TTLL4: variants seen among roughly 807,000 people sequenced by gnomAD.
TTLL4 encodes the protein tubulin monoglutamylase TTLL4.
TTLL4 carries 85 observed loss-of-function variants against 122.7 expected under a neutral mutation model. That is an observed-to-expected ratio of 0.69 (90% CI 0.58 to 0.83). The LOEUF is 0.83. TTLL4 is among the 40% of genes least tolerant of loss of function. The pLI, the probability that TTLL4 is intolerant of heterozygous loss-of-function variation, is 0.00. For missense variants in TTLL4, 1,363 were observed against 1,488.6 expected (o/e 0.92, Z 1.39); for synonymous variants, 553 against 563.0 (o/e 0.98, Z 0.25).
At chr2:218,743,407 C>T (rs1942756125) in intron 5 of TTLL4, among the ~76,000 whole-genome samples, 1 of 152,074 alleles carries the variant, frequency 6.6e-6, no homozygotes, top group African/African-American at 2.4e-5. Context: ...GGATAGTGTT[C>T]TGTGGTATGG....
Position 218,749,406 on chromosome 2 carries a change from A to G in TTLL4, c.2735+19A>G, listed in dbSNP as rs368568381. 6.2e-7 allele frequency: 1 copy of G among 1,613,676 alleles called. No individual in the cohort carries two copies. The highest frequency in any genetic ancestry group is 1.7e-5 in the Admixed American group (1 of 59,964). ...CCCCAAGGTAGGTGGTATTCTCAGG[A>G]CACTCACCATAGAATCCTTCCATTA... is the stretch of plus-strand genomic sequence containing the variant. On this transcript the variant is annotated intron_variant, in intron 14 of 19. Transcript: ENST00000392102.
At chr2:218,715,016 C>T (rs182675896) in intron 1 of TTLL4, among the ~76,000 whole-genome samples, 89 of 151,456 alleles carry the variant, frequency 5.9e-4, no homozygotes, top group African/African-American at 2.0e-3. Context: ...TGTATGCTAA[C>T]GTAAGTTAGT....
downstream of TTLL4, among the ~76,000 whole-genome samples, chr2:218,759,344 G>A (rs552124683): frequency 2.6e-5 from 4 of 152,278 alleles, no homozygotes; most frequent in Non-Finnish European, 5.9e-5. Context: ...GAGCCCAGGA[G>A]TTCGAGACCA....
At position 218,740,443 on chromosome 2, in the gene TTLL4, A is replaced by G. The variant is rs1942667105; in HGVS notation, c.1598-78A>G. On this transcript the variant is annotated intron_variant, in intron 4 of 19. Transcript: ENST00000392102. ...AGAAGGGTTGAGCCCAGGATATTCAAGGAAGAGTTGCCTAGGCTTGGTAAG... is the reference window on the plus strand; with the variant it reads ...AGAAGGGTTGAGCCCAGGATATTCAGGGAAGAGTTGCCTAGGCTTGGTAAG... 8 of 1,478,876 alleles carry G rather than the reference A, an allele frequency of 5.4e-6. No individual in the cohort carries two copies. The Admixed American group carries it at 1.3e-4, about 25-fold the overall frequency. The allele number at this position is 1,478,876 out of a possible 1,614,324, so 91.6% of individuals were successfully genotyped here.
downstream of TTLL4, among the ~76,000 whole-genome samples, chr2:218,759,254 A>C (rs951829129): frequency 4.0e-5 from 6 of 151,418 alleles, no homozygotes; most frequent in South Asian, 1.3e-3. Context: ...TCAATAAATA[A>C]ATAAATAGGA....
intron 16 of TTLL4, among the ~76,000 whole-genome samples, chr2:218,752,492 A>T (rs761665320): frequency 6.6e-6 from 1 of 152,186 alleles, no homozygotes; most frequent in African/African-American, 2.4e-5. Flanking sequence ...CTGGATCCTC[A>T]TCTTGACTTT....
intron 1 of TTLL4, among the ~76,000 whole-genome samples, chr2:218,723,025 A>C (rs1942090013): frequency 6.6e-6 from 1 of 152,182 alleles, no homozygotes. Flanking sequence ...ATTACAGCTT[A>C]TTTCTTGGCC....
chr2:218,740,391 C>A, intron 4 of TTLL4, 130 bp from the exon 5 acceptor site: 2 of 1,038,068 alleles, frequency 1.9e-6, no homozygotes, highest in Non-Finnish European at 2.9e-6. Context: ...CAGTGCAAAG[C>A]AGCGGGGTGG....
intron 1 of TTLL4, among the ~76,000 whole-genome samples, chr2:218,720,912 G>A (rs1942016833): frequency 6.6e-6 from 1 of 152,098 alleles, no homozygotes. Flanking sequence ...GGGGAGTGGA[G>A]CCAAAGATTG....
At position 218,710,868 on chromosome 2, in the gene TTLL4, GGC is replaced by G; in HGVS notation, c.-339_-338del. On this transcript the variant is annotated 5_prime_UTR_variant, in exon 1 of 20. Coordinates refer to ENST00000392102, the MANE Select transcript of TTLL4 (RefSeq NM_014640.5). ...CCAGACTCTCGGTCTGTCCGCTGGG[GGC>G]GCGCGCGGTGTGTGGCAGGCGGCAG... 6.6e-6 allele frequency: 1 copy of G among 152,500 alleles called. No homozygotes were observed. The highest frequency in any genetic ancestry group is 1.5e-5 in the Non-Finnish European group (1 of 68,200). 9.4% of individuals were successfully genotyped at this position (152,500 alleles called of 1,614,324 possible). A position where few individuals can be genotyped will look rare whatever the true frequency, so the allele number is the denominator to read the frequency against.
At chr2:218,711,083 C>G (rs898088957) in intron 1 of TTLL4, 46 bp downstream of exon 1, 1 of 152,508 alleles carries the variant, frequency 6.6e-6, no homozygotes, top group African/African-American at 2.4e-5. Context: ...AGACACTCCG[C>G]CGGTCCCACG....
chr2:218,738,757 T>A lies in TTLL4; in HGVS notation c.1081T>A (p.Ser361Thr). 1 of 1,614,052 alleles carries A rather than the reference T, an allele frequency of 6.2e-7. No homozygotes were observed. The highest frequency in any genetic ancestry group is 8.5e-7 in the Non-Finnish European group (1 of 1,179,934). The change falls in exon 3 of 20, where the codon TCT becomes ACT. Residue 361 changes from serine (S) to threonine (T), a missense_variant. By Grantham distance (58) the Ser-to-Thr change is moderately conservative. This residue lies in a region of TTLL4 where 760 missense variants were observed against 808.4 expected (regional missense o/e 0.94). Transcript: ENST00000392102. ...MPRQGCQLEQ[S>T]SFLNPSFQWN... ...GAGGCAAGGCTGCCAGCTTGAACAG[T>A]CTAGTTTCCTGAACCCCAGCTTCCA...
intron 1 of TTLL4, among the ~76,000 whole-genome samples, chr2:218,723,712 C>T (rs963413941): frequency 1.5e-4 from 23 of 152,150 alleles, no homozygotes; most frequent in African/African-American, 4.6e-4. Context: ...GATATATCAT[C>T]ACTTCAGACA....
At chr2:218,723,793 AAAAT>A (rs770172824) in intron 1 of TTLL4, among the ~76,000 whole-genome samples, 1 of 152,222 alleles carries the variant, frequency 6.6e-6, no homozygotes, top group Non-Finnish European at 1.5e-5. Flanking sequence ...TCATTAAAGA[AAAAT>A]AAAGGCTGAG....
intron 1 of TTLL4, among the ~76,000 whole-genome samples, chr2:218,719,900 G>A (rs1338728649): frequency 6.6e-5 from 10 of 152,250 alleles, no homozygotes; most frequent in Non-Finnish European, 1.5e-4. Flanking sequence ...GCTTCAGTCA[G>A]TGCTGTTGCA....
At chr2:218,714,159 A>G (rs1941791796) in intron 1 of TTLL4, among the ~76,000 whole-genome samples, 1 of 152,326 alleles carries the variant, frequency 6.6e-6, no homozygotes, top group East Asian at 1.9e-4. Flanking sequence ...TTGAGTGCTC[A>G]CTGTGTGCCA....
At chr2:218,741,587 T>C (rs565450888) in intron 5 of TTLL4, among the ~76,000 whole-genome samples, 3 of 152,322 alleles carry the variant, frequency 2.0e-5, no homozygotes, top group Non-Finnish European at 4.4e-5. Flanking sequence ...ACTGGGATTC[T>C]CTGTGAAGGT....
chr2:218,745,843 A>G (rs181070489), intron 7 of TTLL4, 42 bp downstream of exon 7: 599 of 1,549,194 alleles, frequency 3.9e-4, no homozygotes, highest in Admixed American at 5.2e-4. Flanking sequence ...TTTTGCCCCA[A>G]ATAGATGGGC....
rs1452710173 is a variant in TTLL4 at position 218,752,963 on chromosome 2, C to T, written c.3177C>T (p.Asn1059=). 4.3e-6 allele frequency: 7 copies of T among 1,614,146 alleles called. No individual in the cohort carries two copies. The Admixed American group carries it at 8.3e-5, about 19-fold the overall frequency. The change falls in exon 17 of 20, where the codon AAC becomes AAT. Residue 1059 remains asparagine, a synonymous_variant. Coordinates refer to ENST00000392102, the MANE Select transcript of TTLL4 (RefSeq NM_014640.5). ...AATGGGAACAGAAATACCATGGCAA[C>T]AAGCTTAAAGGTGATGTGCCCTCCC... ...TTQWEQKYHG[N]KLKGVDLLRS... is the part of the protein sequence containing the mutation.
Sources: allele counts gnomAD v4.1 joint callset (sites outside exome capture counted in the v4.1 genomes callset), GRCh38; gene constraint gnomAD v4.1.1; regional missense constraint gnomAD v4.1.1; transcripts MANE v1.5; gene names NCBI Gene and HGNC (gene_info 2026-07-23, HGNC 2026-07-21).